Variants in PEAR1 observed in about 807,000 individuals in gnomAD.
PEAR1 encodes the protein multiple EGF-like domains protein 12.
Under a neutral mutation model 131.2 loss-of-function variants are expected in PEAR1, and 113 were observed. The observed-to-expected ratio is 0.86, with a 90% CI of 0.74 to 1.01. The LOEUF is 1.01. Ranked by LOEUF, PEAR1 falls within the 50% of genes least tolerant of loss-of-function variation. The probability of loss-of-function intolerance (pLI) is 0.00; values close to 1 mark genes in which losing one functional copy is unlikely to be tolerated. For synonymous variants in PEAR1, 565 were observed against 523.3 expected, an observed-to-expected ratio of 1.08 and a Z score of -1.09; for missense variants, 1,408 against 1,391.1, an observed-to-expected ratio of 1.01 and a Z score of -0.19.
At chr1:156,907,330 C>T (rs1487602921) in intron 6 of PEAR1, among the ~76,000 whole-genome samples, 3 of 152,176 alleles carry the variant, frequency 2.0e-5, no homozygotes, top group East Asian at 1.9e-4. Context: ...AGATGTTCCC[C>T]GAGAGTGAAC....
Position 156,906,793 on chromosome 1 carries a change from C to A in PEAR1, c.557C>A (p.Ala186Asp). The A allele has an allele frequency of 1.2e-6, 2 of 1,614,226 alleles. No homozygotes were observed. The highest frequency in any genetic ancestry group is 1.7e-6 in the Non-Finnish European group (2 of 1,180,038). Reference protein sequence around the residue: ...QPCTPGYYGPACQFRCQCHGA... With the variant: ...QPCTPGYYGPDCQFRCQCHGA... ...TGTACCCCTGGCTACTATGGCCCTG[C>A]CTGCCAGTTCCGCTGCCAGTGCCAT... Residue 186 changes from alanine to aspartate, a missense_variant, in exon 6 of 23, where the codon GCC (alanine) becomes GAC (aspartate). Physicochemically the swap from Ala to Asp is moderately radical, Grantham distance 126 (BLOSUM62 -2). Coordinates refer to ENST00000292357, the MANE Select transcript of PEAR1 (RefSeq NM_001080471.3).
chr1:156,905,092 G>GCC, intron 3 of PEAR1: 26 of 990,200 alleles, frequency 2.6e-5, no homozygotes, highest in Non-Finnish European at 3.8e-5. Flanking sequence ...TGGGGGGGGG[G>GCC]CAAGAAGGGA....
At chr1:156,905,116 T>A in intron 3 of PEAR1, 1 of 1,270,728 alleles carries the variant, frequency 7.9e-7, no homozygotes, top group South Asian at 1.3e-5. Flanking sequence ...CTCTTTCTTT[T>A]TTTAATAGAC....
At chr1:156,901,216 TG>T (rs1649647268) in intron 1 of PEAR1, among the ~76,000 whole-genome samples, 1 of 152,130 alleles carries the variant, frequency 6.6e-6, no homozygotes, top group Non-Finnish European at 1.5e-5. Context: ...TGAGGACCTT[TG>T]GGAAAACAGA....
At position 156,904,040 on chromosome 1, in the gene PEAR1, C is replaced by G. The variant is rs1222317267; in HGVS notation, c.101+13C>G. 6.2e-7 allele frequency: 1 copy of G among 1,607,362 alleles called. No individual in the cohort carries two copies. Among genetic ancestry groups the G allele is most frequent in the South Asian group, 1.1e-5 (1 of 90,952 alleles). On this transcript the variant is annotated intron_variant, in intron 2 of 22. Coordinates refer to ENST00000292357, the MANE Select transcript of PEAR1 (RefSeq NM_001080471.3). The stretch of plus-strand genomic sequence containing the variant: ...GCTTCTGGGAAAGGTGAGAGGGCCC[C>G]TGCTGCACCTTGAGGGCACCAAGCC...
At chr1:156,894,684 C>T (rs374298591) in intron 1 of PEAR1, among the ~76,000 whole-genome samples, 9 of 152,344 alleles carry the variant, frequency 5.9e-5, no homozygotes, top group African/African-American at 1.9e-4. Flanking sequence ...CCCCCACCCC[C>T]GTCTCCAGCC....
At chr1:156,912,748 G>A (rs758819965) in intron 17 of PEAR1, 22 bp from the exon 18 acceptor site, 22 of 1,613,822 alleles carry the variant, frequency 1.4e-5, no homozygotes, top group Non-Finnish European at 1.7e-5. Flanking sequence ...GCCATTCTGA[G>A]TGAGCACCCC....
In PEAR1 at chr1:156,903,995, C is replaced by T. The variant is rs1346143304; in HGVS notation, c.69C>T (p.Pro23=). The T allele has an allele frequency of 6.2e-7, 1 of 1,614,094 alleles. No individual in the cohort carries two copies. Among genetic ancestry groups the T allele is most frequent in the Admixed American group, 1.7e-5 (1 of 60,018 alleles). ...TGCGGCTGGCTGGAACTCTCAACCC[C>T]AGTGATCCCAATACCTGCAGCTTCT... The part of the protein sequence containing the change: ...VGLRLAGTLN[P]SDPNTCSFWE... Residue 23 remains proline, a synonymous_variant, in exon 2 of 23, where the codon CCC becomes CCT. Coordinates refer to ENST00000292357, the MANE Select transcript of PEAR1 (RefSeq NM_001080471.3).
Position 156,913,530 on chromosome 1 carries a change from G to T in PEAR1, c.2644+7G>T. 6.2e-7 allele frequency: 1 copy of T among 1,611,772 alleles called. No individual in the cohort carries two copies. ...CCAGGGCCTCTGGACAGGGGTAGGT[G>T]CCGGGAGGCCAGGGTCTCTGGCGCG... is the stretch of plus-strand genomic sequence containing the variant. On this transcript the variant is annotated splice_region_variant and intron_variant, in intron 20 of 22. Transcript: ENST00000292357.
chr1:156,913,066 G>A, intron 18 of PEAR1, 84 bp downstream of exon 18: 1 of 1,577,686 alleles, frequency 6.3e-7, no homozygotes, highest in Non-Finnish European at 8.7e-7. Flanking sequence ...CCAAAGGGAA[G>A]ATGAGGAGTG....
chr1:156,901,168 T>C (rs1389977152), intron 1 of PEAR1, among the ~76,000 whole-genome samples: 1 of 152,232 alleles, frequency 6.6e-6, no homozygotes, highest in Non-Finnish European at 1.5e-5. Flanking sequence ...GCCCCTGGGC[T>C]GACCAGCTGA....
Position 156,910,279 on chromosome 1 carries a change from A to G in PEAR1, c.1724A>G (p.Asn575Ser). 6.2e-7 allele frequency: 1 copy of G among 1,613,460 alleles called. No individual in the cohort carries two copies. The highest frequency in any genetic ancestry group is 1.1e-5 in the South Asian group (1 of 90,974). Residue 575 changes from asparagine (N) to serine (S), a missense_variant, in exon 14 of 23, where the codon AAC becomes AGC. Physicochemically the swap from Asn to Ser is conservative, Grantham distance 46. Transcript: ENST00000292357. ...LSCPEGLWGV[N>S]CSNTCTCKNG... ...TGCCCTGAGGGCTTATGGGGAGTCAACTGTAGCAACACCTGCACCTGCAAG... is the reference window on the plus strand; with the variant it reads ...TGCCCTGAGGGCTTATGGGGAGTCAGCTGTAGCAACACCTGCACCTGCAAG...
intron 3 of PEAR1, 185 bp from the exon 4 acceptor site, chr1:156,905,139 T>C (rs1366713299): frequency 7.7e-6 from 9 of 1,164,876 alleles, no homozygotes; most frequent in Non-Finnish European, 1.1e-5. Context: ...GGTCTCGCTC[T>C]GTCACCCAGG....
rs1213744101 is a variant in PEAR1, at chr1:156,915,937, G to A, written c.*1139G>A. 1 of 152,226 alleles carries A rather than the reference G, an allele frequency of 6.6e-6. No individual in the cohort carries two copies. Among genetic ancestry groups the A allele is most frequent in the African/African-American group, 2.4e-5 (1 of 41,428 alleles). 9.4% of individuals were successfully genotyped at this position (152,226 alleles called of 1,614,324 possible). A position where few individuals can be genotyped will look rare whatever the true frequency, so the allele number is the denominator to read the frequency against. ...GCTCTGACAGTTACAGACTGAATAA[G>A]TTGGAGACTTCCCTAAAGGGTGGCA... On this transcript the variant is annotated 3_prime_UTR_variant, in exon 23 of 23. Transcript: ENST00000292357.
chr1:156,908,064 G>T lies in PEAR1; in HGVS notation c.902+13G>T. 6.4e-7 allele frequency: 1 copy of T among 1,570,782 alleles called. No homozygotes were observed. The highest frequency in any genetic ancestry group is 8.6e-7 in the Non-Finnish European group (1 of 1,157,032). On this transcript the variant is annotated intron_variant, in intron 8 of 22. Transcript: ENST00000292357. The surrounding 1 kb of genome is among the most constrained non-coding windows in gnomAD (Gnocchi z 4.2). ...ACACTGGGGATCGGTGAGTGGCGTG[G>T]GGCGGGCGGGAGACGGGAGGGAGGA...
intron 1 of PEAR1, among the ~76,000 whole-genome samples, chr1:156,897,353 G>C (rs1290239723): frequency 6.6e-6 from 1 of 152,236 alleles, no homozygotes; most frequent in Non-Finnish European, 1.5e-5. Flanking sequence ...TAAGATTTGA[G>C]GGAGTCCAAC....
rs1009195990 is a variant in PEAR1 at position 156,907,738 on chromosome 1, G to A, written c.765+8G>A. On this transcript the variant is annotated splice_region_variant and intron_variant, in intron 7 of 22. Coordinates refer to ENST00000292357, the MANE Select transcript of PEAR1 (RefSeq NM_001080471.3). ...TGCCCCCCTGGCTGGATGGTATGGA[G>A]GGTGGGGCCTGTGGGCATGGGGTGT... 6.2e-7 allele frequency: 1 copy of A among 1,604,400 alleles called. No individual in the cohort carries two copies. Among genetic ancestry groups the A allele is most frequent in the Non-Finnish European group, 8.5e-7 (1 of 1,174,736 alleles).
Position 156,909,948 on chromosome 1 carries a change from G to A in PEAR1, c.1575+34G>A, listed in dbSNP as rs1319816678. 3 of 1,611,710 alleles carry A rather than the reference G, an allele frequency of 1.9e-6. No homozygotes were observed. In the African/African-American group the frequency reaches 4.0e-5, roughly 22 times the overall value. The stretch of plus-strand genomic sequence containing the variant: ...TGGACAGCCTGTCTGCCTGGGGGTG[G>A]GGAGGGCATGGCGTCCCCCAGCTGA... On this transcript the variant is annotated intron_variant, in intron 12 of 22. Coordinates refer to ENST00000292357, the MANE Select transcript of PEAR1 (RefSeq NM_001080471.3).
chr1:156,894,976 G>T (rs1649021825), intron 1 of PEAR1, among the ~76,000 whole-genome samples: 1 of 152,222 alleles, frequency 6.6e-6, no homozygotes, highest in Non-Finnish European at 1.5e-5. Flanking sequence ...GTGCTTGTGA[G>T]CCAGTCATAA....
Sources: allele counts gnomAD v4.1 joint callset (sites outside exome capture counted in the v4.1 genomes callset), GRCh38; gene constraint gnomAD v4.1.1; non-coding constraint Gnocchi (gnomAD v3.1); transcripts MANE v1.5; gene names NCBI Gene and HGNC (gene_info 2026-07-23, HGNC 2026-07-21).